Variants in RNF115 observed in about 807,000 individuals in gnomAD.
The protein encoded by RNF115 is ring finger protein 115.
A neutral mutation model predicts 39.2 loss-of-function variants in RNF115; 31 were observed. The observed-to-expected ratio is 0.79, with a 90% CI of 0.59 to 1.07. RNF115 has a LOEUF of 1.07. RNF115 is among the 50% of genes least tolerant of loss of function. The probability of loss-of-function intolerance (pLI) is 0.00; values close to 1 mark genes in which losing one functional copy is unlikely to be tolerated. For missense variants in RNF115, 384 were observed against 381.7 expected (o/e 1.01, Z -0.05); for synonymous variants, 124 against 131.0 (o/e 0.95, Z 0.37).
chr1:145,787,059 A>T (rs1648414111), intron 2 of RNF115: 6 of 1,275,154 alleles, frequency 4.7e-6, no homozygotes, highest in Non-Finnish European at 6.2e-6. Flanking sequence ...CTTCAACTTT[A>T]GATTCTGCCA....
chr1:145,812,512 T>G (rs1342292461), intron 1 of RNF115, among the ~76,000 whole-genome samples: 1 of 151,072 alleles, frequency 6.6e-6, no homozygotes, highest in Non-Finnish European at 1.5e-5. Context: ...ATACAAAAAT[T>G]AGCCAGGTGT....
At chr1:145,815,296 T>C (rs1232611090) in intron 1 of RNF115, among the ~76,000 whole-genome samples, 11 of 152,304 alleles carry the variant, frequency 7.2e-5, no homozygotes, top group Admixed American at 2.0e-4. Context: ...GCCTACTACA[T>C]AGTTTCTTCA....
chr1:145,799,825 C>G (rs1298316934), intron 1 of RNF115, among the ~76,000 whole-genome samples: 1 of 152,050 alleles, frequency 6.6e-6, no homozygotes, highest in Admixed American at 6.5e-5. Context: ...AACTCCTGGA[C>G]TCAAGTGATC....
intron 2 of RNF115, among the ~76,000 whole-genome samples, chr1:145,785,033 G>T (rs1471117728): frequency 6.6e-6 from 1 of 151,978 alleles, no homozygotes; most frequent in Non-Finnish European, 1.5e-5. Flanking sequence ...TAATGTAAGG[G>T]GCCTGGTACT....
intron 3 of RNF115, among the ~76,000 whole-genome samples, chr1:145,782,798 C>T (rs1451620225): frequency 1.3e-5 from 2 of 152,206 alleles, no homozygotes; most frequent in African/African-American, 4.8e-5. Flanking sequence ...ACAAATAGCA[C>T]ACACAAGAGG....
intron 3 of RNF115, chr1:145,773,462 CAAAAAGAAAAA>C (rs1647734271): frequency 6.7e-6 from 1 of 150,044 alleles, no homozygotes; most frequent in Non-Finnish European, 1.5e-5. Context: ...ACAAATAAAC[CAAAAAGAAAAA>C]AAAAAGAAAG....
chr1:145,789,044 C>T, intron 1 of RNF115, 78 bp from the exon 2 acceptor site: 2 of 880,868 alleles, frequency 2.3e-6, no homozygotes, highest in Middle Eastern at 3.1e-4. Flanking sequence ...GAATAACATG[C>T]AGTATACAAG....
rs1424832802 is a variant in RNF115 at position 145,785,730 on chromosome 1, C to A, written c.162-1134G>T. Reference sequence around the variant, plus strand: ...GAGCTCACTGAGGAAACAAACACACCCTAGTTAGTCTGAAACCAAAAGTGA... The same window carrying A: ...GAGCTCACTGAGGAAACAAACACACACTAGTTAGTCTGAAACCAAAAGTGA... On this transcript the variant is annotated intron_variant, in intron 2 of 8. Transcript: ENST00000582693. Among the ~76,000 whole-genome samples, 2 of 152,130 alleles carry A rather than the reference C, an allele frequency of 1.3e-5. 1 individual carries two copies. Among genetic ancestry groups the A allele is most frequent in the Admixed American group, 1.3e-4 (2 of 15,284 alleles).
chr1:145,814,570 G>C (rs1430441708), intron 1 of RNF115, among the ~76,000 whole-genome samples: 4 of 151,124 alleles, frequency 2.6e-5, no homozygotes, highest in Non-Finnish European at 5.9e-5. Context: ...GTGAAAGAGG[G>C]AAACTCCGTT....
chr1:145,745,107 G>C lies in RNF115; in HGVS notation c.*1759C>G, dbSNP rs1441001172. 5.3e-5 allele frequency: 8 copies of C among 152,308 alleles called. No homozygotes were observed. The East Asian group carries it at 1.5e-3, about 29-fold the overall frequency. The allele number at this position is 152,308 out of a possible 1,614,324, so 9.4% of individuals were successfully genotyped here. ...GAAGACCAATGAATTACCAAAAACA[G>C]TGAACTGGCTGCAGACACTTACTGT... On this transcript the variant is annotated 3_prime_UTR_variant, in exon 9 of 9. Transcript: ENST00000582693.
chr1:145,779,032 G>A (rs1648003781), intron 3 of RNF115, among the ~76,000 whole-genome samples: 1 of 152,116 alleles, frequency 6.6e-6, no homozygotes, highest in African/African-American at 2.4e-5. Flanking sequence ...CATCTGTCTG[G>A]TGTTCTATGT....
At chr1:145,789,290 G>A (rs782500720) in intron 1 of RNF115, among the ~76,000 whole-genome samples, 29 of 152,124 alleles carry the variant, frequency 1.9e-4, no homozygotes, top group Non-Finnish European at 3.2e-4. Context: ...TGTAGAGGAT[G>A]AGGTCTTGCT....
Position 145,744,643 on chromosome 1 carries a change from A to C in RNF115, c.*2223T>G, listed in dbSNP as rs911053223. 6.6e-6 allele frequency: 1 copy of C among 152,288 alleles called. No homozygotes were observed. The highest frequency in any genetic ancestry group is 1.5e-5 in the Non-Finnish European group (1 of 68,048). The allele number at this position is 152,288 out of a possible 1,614,324, so 9.4% of individuals were successfully genotyped here. On this transcript the variant is annotated 3_prime_UTR_variant, in exon 9 of 9. Coordinates refer to ENST00000582693, the MANE Select transcript of RNF115 (RefSeq NM_014455.4). Reference sequence around the variant, plus strand: ...ACCCACAAATCAGCGTATGATAGTCAACAAAAACTGAGGAAAGACTTCTAG... The same window carrying C: ...ACCCACAAATCAGCGTATGATAGTCCACAAAAACTGAGGAAAGACTTCTAG...
chr1:145,774,152 C>A (rs1647772436), intron 3 of RNF115, among the ~76,000 whole-genome samples: 2 of 152,108 alleles, frequency 1.3e-5, no homozygotes, highest in African/African-American at 4.8e-5. Flanking sequence ...AGGGATGACC[C>A]ACAGAAGTCC....
intron 1 of RNF115, among the ~76,000 whole-genome samples, chr1:145,795,025 A>T (rs1157260748): frequency 6.6e-6 from 1 of 150,988 alleles, no homozygotes; most frequent in Non-Finnish European, 1.5e-5. Flanking sequence ...TCAAAAAAAA[A>T]AAAAAAAAAA....
intron 5 of RNF115, 84 bp downstream of exon 5, chr1:145,752,894 C>T (rs1377532907): frequency 1.0e-5 from 10 of 989,080 alleles, no homozygotes; most frequent in Admixed American, 7.4e-5. Context: ...GCCTATGCAG[C>T]TCTTTTTCTC....
intron 1 of RNF115, among the ~76,000 whole-genome samples, chr1:145,809,007 C>T (rs1559130880): frequency 6.6e-6 from 1 of 152,076 alleles, no homozygotes; most frequent in Non-Finnish European, 1.5e-5. Flanking sequence ...ATCTGAAAGG[C>T]ATGTAATTAT....
intron 5 of RNF115, 116 bp downstream of exon 5, chr1:145,752,862 G>A (rs1484618456): frequency 1.5e-6 from 1 of 689,128 alleles, no homozygotes; most frequent in African/African-American, 1.8e-5. Flanking sequence ...GCTGGGATTA[G>A]AGGCATGAGC....
chr1:145,784,913 C>G (rs782692125), intron 2 of RNF115, among the ~76,000 whole-genome samples: 2 of 152,164 alleles, frequency 1.3e-5, no homozygotes, highest in Non-Finnish European at 2.9e-5. Flanking sequence ...TATTTATCCT[C>G]AAGAACGCTA....
Sources: gnomAD v4.1 joint callset for allele counts (sites outside exome capture counted in the v4.1 genomes callset) on GRCh38, gnomAD v4.1.1 for gene constraint, MANE v1.5 for transcripts, NCBI Gene and HGNC (gene_info 2026-07-23, HGNC 2026-07-21) for gene names.